The following SYT1 variants were observed in gnomAD, a reference collection of about 807,000 sequenced individuals.
SYT1 encodes the protein synaptotagmin 1.
A neutral mutation model predicts 44.8 loss-of-function variants in SYT1; 8 were observed. The observed-to-expected ratio is 0.18, with a 90% CI of 0.10 to 0.32. The LOEUF is 0.32. Ranked by LOEUF, SYT1 falls within the 10% of genes least tolerant of loss-of-function variation. The probability of loss-of-function intolerance (pLI) is 1.00; values close to 1 mark genes in which losing one functional copy is unlikely to be tolerated. For missense variants in SYT1, 286 were observed against 509.3 expected, an observed-to-expected ratio of 0.56 and a Z score of 4.22; for synonymous variants, 154 against 188.8, an observed-to-expected ratio of 0.82 and a Z score of 1.51.
At chr12:78,939,738 A>G (rs1878249879) in intron 1 of SYT1, among the ~76,000 whole-genome samples, 1 of 152,186 alleles carries the variant, frequency 6.6e-6, no homozygotes, top group African/African-American at 2.4e-5. Context: ...AAAAGAGATT[A>G]TGGTTTTTAT....
At chr12:78,964,205 A>T (rs925142193) in intron 1 of SYT1, 2 of 152,226 alleles carry the variant, frequency 1.3e-5, no homozygotes, top group Non-Finnish European at 2.9e-5. Flanking sequence ...TGAATAATTA[A>T]TTGAATGTGT....
At chr12:78,998,115 C>A (rs1870498391) in intron 2 of SYT1, among the ~76,000 whole-genome samples, 1 of 152,170 alleles carries the variant, frequency 6.6e-6, no homozygotes, top group Non-Finnish European at 1.5e-5. Context: ...AGAGCAGGAT[C>A]TGAGAACCCC....
At chr12:79,194,538 C>G (rs1873328118) in intron 3 of SYT1, among the ~76,000 whole-genome samples, 1 of 151,876 alleles carries the variant, frequency 6.6e-6, no homozygotes, top group African/African-American at 2.4e-5. Flanking sequence ...CAAGCAATCC[C>G]CCTGCCTCGA....
intron 1 of SYT1, among the ~76,000 whole-genome samples, chr12:78,931,405 G>GAGGAAGGAAGGA (rs149496899): frequency 2.2e-5 from 2 of 92,070 alleles, no homozygotes; most frequent in African/African-American, 9.5e-5. Context: ...AGGGAGGAGA[G>GAGGAAGGAAGGA]AGGAAGGAAG....
At chr12:79,330,254 G>A (rs575845869) in intron 8 of SYT1, among the ~76,000 whole-genome samples, 1 of 152,274 alleles carries the variant, frequency 6.6e-6, no homozygotes, top group East Asian at 1.9e-4. Context: ...AGACATGAAA[G>A]CAATTACAAA....
chr12:79,093,397 T>G (rs1313142422), intron 3 of SYT1, among the ~76,000 whole-genome samples: 1 of 151,720 alleles, frequency 6.6e-6, no homozygotes, highest in Admixed American at 6.6e-5. Flanking sequence ...GTTTAATTCT[T>G]TAACCCAGTT....
intron 4 of SYT1, among the ~76,000 whole-genome samples, chr12:79,271,198 A>G (rs1878404086): frequency 6.6e-6 from 1 of 152,220 alleles, no homozygotes; most frequent in South Asian, 2.1e-4. Context: ...GCTCAATTAA[A>G]GAGAAAGATA....
rs375475937 is a variant in SYT1, at chr12:78,970,752, T to C, written c.-216-7047T>C. ...CAAAGACATCACTGAGTAACTTAAT[T>C]ACCCAAGATTCTCAACCGAGAAATA... On this transcript the variant is annotated intron_variant, in intron 1 of 10. Coordinates refer to ENST00000261205, the MANE Select transcript of SYT1 (RefSeq NM_005639.3). 1.9e-4 allele frequency among the ~76,000 whole-genome samples: 29 copies of C among 152,300 alleles called. 1 individual carries two copies. In the South Asian group the frequency reaches 5.4e-3, roughly 28 times the overall value.
intron 3 of SYT1, among the ~76,000 whole-genome samples, chr12:79,174,843 G>T (rs1287622436): frequency 6.6e-6 from 1 of 152,016 alleles, no homozygotes; most frequent in Non-Finnish European, 1.5e-5. Flanking sequence ...CAACGTGGGA[G>T]TTTTTAGAGA....
intron 4 of SYT1, among the ~76,000 whole-genome samples, chr12:79,221,018 T>G (rs541211536): frequency 6.6e-6 from 1 of 152,138 alleles, no homozygotes; most frequent in East Asian, 1.9e-4. Flanking sequence ...TTACTGAAAA[T>G]GGGGTGTTAA....
chr12:79,062,271 G>A (rs1484650402), intron 3 of SYT1, among the ~76,000 whole-genome samples: 2 of 152,152 alleles, frequency 1.3e-5, no homozygotes, highest in African/African-American at 2.4e-5. Context: ...TGTTTTGCTT[G>A]GGAAAGACAA....
chr12:79,224,237 G>A (rs1298357013), intron 4 of SYT1, among the ~76,000 whole-genome samples: 2 of 152,084 alleles, frequency 1.3e-5, no homozygotes, highest in African/African-American at 4.8e-5. Flanking sequence ...TACTTACTAT[G>A]TACTAGGCAC....
intron 1 of SYT1, among the ~76,000 whole-genome samples, chr12:78,950,464 T>C (rs1878904123): frequency 6.6e-6 from 1 of 152,110 alleles, no homozygotes; most frequent in African/African-American, 2.4e-5. Context: ...CCAGTTTCTG[T>C]GGAATATATA....
chr12:79,036,577 T>C (rs1873149229), intron 2 of SYT1: 1 of 151,790 alleles, frequency 6.6e-6, no homozygotes, highest in Non-Finnish European at 1.5e-5. Flanking sequence ...ACTCTGACTG[T>C]AATAAAAAGA....
intron 8 of SYT1, among the ~76,000 whole-genome samples, chr12:79,338,367 T>A (rs1221932322): frequency 6.6e-6 from 1 of 151,390 alleles, no homozygotes; most frequent in African/African-American, 2.4e-5. Flanking sequence ...AGCTTCAAAC[T>A]CCTGGGCTTA....
chr12:78,907,648 C>T (rs893702551), intron 1 of SYT1, among the ~76,000 whole-genome samples: 7 of 151,894 alleles, frequency 4.6e-5, no homozygotes, highest in African/African-American at 1.7e-4. Flanking sequence ...TGAAAGTATC[C>T]GAAGATGAGC....
At chr12:79,297,091 T>A (rs1333219242) in intron 7 of SYT1, among the ~76,000 whole-genome samples, 1 of 152,188 alleles carries the variant, frequency 6.6e-6, no homozygotes, top group African/African-American at 2.4e-5. Flanking sequence ...CATTCTGGGA[T>A]GAAATAAATT....
chr12:79,388,666 G>A (rs1419438674), intron 9 of SYT1, among the ~76,000 whole-genome samples: 1 of 152,128 alleles, frequency 6.6e-6, no homozygotes, highest in Non-Finnish European at 1.5e-5. Context: ...AGCCAGGATC[G>A]TACCACTGCA....
chr12:79,447,354 G>GTCTT (rs1870794581), intron 10 of SYT1, among the ~76,000 whole-genome samples: 1 of 151,984 alleles, frequency 6.6e-6, no homozygotes, highest in African/African-American at 2.4e-5. Flanking sequence ...CTGTCCTTCT[G>GTCTT]TCTTTCTCTA....
Sources: gnomAD v4.1 joint callset for allele counts (sites outside exome capture counted in the v4.1 genomes callset) on GRCh38, gnomAD v4.1.1 for gene constraint, MANE v1.5 for transcripts, NCBI Gene and HGNC (gene_info 2026-07-23, HGNC 2026-07-21) for gene names.